Variants in ITGAL observed in about 807,000 individuals in gnomAD.
ITGAL encodes integrin alpha-L.
Under a neutral mutation model 138.4 loss-of-function variants are expected in ITGAL, and 68 were observed. That is an observed-to-expected ratio of 0.49 (90% CI 0.40 to 0.60). The LOEUF (loss-of-function observed/expected upper bound fraction) is 0.60. ITGAL is among the 20% of genes least tolerant of loss of function. The pLI, the probability that ITGAL is intolerant of heterozygous loss-of-function variation, is 0.00. For missense variants in ITGAL, 1,256 were observed against 1,478.6 expected (o/e 0.85, Z 2.47); for synonymous variants, 561 against 584.3 (o/e 0.96, Z 0.57).
chr16:30,487,068 T>G (rs1279318767), intron 9 of ITGAL, among the ~76,000 whole-genome samples: 2 of 142,370 alleles, frequency 1.4e-5, no homozygotes, highest in Admixed American at 7.7e-5. Context: ...GCGTGAATCC[T>G]GGAGGTGGAG....
rs567471117 is a variant in ITGAL, at chr16:30,474,022, G to C, written c.62-174G>C. 2.7e-4 allele frequency: 186 copies of C among 696,966 alleles called. 1 individual carries two copies. The highest frequency in any genetic ancestry group is 8.8e-4 in the South Asian group (59 of 66,750). 43.2% of individuals were successfully genotyped at this position (696,966 alleles called of 1,614,324 possible). Reference sequence around the variant, plus strand: ...CTGGGAAGAGCTTTCAGAGCTCTAGGGGGGCCGGGAGTTGCTCCTTCCATA... The same window carrying C: ...CTGGGAAGAGCTTTCAGAGCTCTAGCGGGGCCGGGAGTTGCTCCTTCCATA... On this transcript the variant is annotated intron_variant, in intron 1 of 30. Coordinates refer to ENST00000356798, the MANE Select transcript of ITGAL (RefSeq NM_002209.3).
At chr16:30,475,284 C>T in intron 2 of ITGAL, 22 bp from the exon 3 acceptor site, 1 of 1,588,400 alleles carries the variant, frequency 6.3e-7, no homozygotes, top group Non-Finnish European at 8.6e-7. Flanking sequence ...CACTCCCTCT[C>T]ACAGGTGAGA....
rs746180430 is a variant in ITGAL at position 30,499,128 on chromosome 16, C to A, written c.1887C>A (p.Ile629=). 93 of 1,613,920 alleles carry A rather than the reference C, an allele frequency of 5.8e-5. 1 individual carries two copies. The highest frequency in any genetic ancestry group is 3.5e-4 in the Admixed American group (21 of 59,958). Reference sequence around the variant, plus strand: ...TGATGTCCTTCTCTCCAGCTGAGATCCCAGTGCATGAAGTGGAGTGCTCCT... The same window carrying A: ...TGATGTCCTTCTCTCCAGCTGAGATACCAGTGCATGAAGTGGAGTGCTCCT... ...VTLMSFSPAE[I]PVHEVECSYS... is the part of the protein sequence containing the mutation. The change falls in exon 16 of 31, where the codon ATC becomes ATA. Residue 629 remains isoleucine (I), a synonymous_variant. Coordinates refer to ENST00000356798, the MANE Select transcript of ITGAL (RefSeq NM_002209.3).
intron 25 of ITGAL, 28 bp downstream of exon 25, chr16:30,513,874 A>G: frequency 1.3e-6 from 2 of 1,511,688 alleles, no homozygotes; most frequent in East Asian, 2.3e-5. Context: ...GAAGGTCCTT[A>G]TAGGTCACAC....
chr16:30,500,705 A>T (rs1160718109), intron 17 of ITGAL, among the ~76,000 whole-genome samples: 1 of 152,010 alleles, frequency 6.6e-6, no homozygotes, highest in Non-Finnish European at 1.5e-5. Flanking sequence ...ATGCACCACC[A>T]CATCTGGATA....
chr16:30,481,401 A>G, intron 6 of ITGAL, 38 bp from the exon 7 acceptor site: 1 of 1,491,988 alleles, frequency 6.7e-7, no homozygotes, highest in Non-Finnish European at 9.3e-7. Context: ...ATGGAAAGGG[A>G]TATATAACTG....
intron 29 of ITGAL, among the ~76,000 whole-genome samples, chr16:30,519,082 G>A (rs1425499358): frequency 2.0e-5 from 3 of 152,094 alleles, no homozygotes; most frequent in Admixed American, 2.0e-4. Flanking sequence ...AATTAGCCGG[G>A]CATGATGGTG....
In ITGAL at chr16:30,521,798, C is replaced by T. The variant is rs574484627; in HGVS notation, c.*133C>T. The T allele has an allele frequency of 8.8e-5, 74 of 838,332 alleles. No individual in the cohort carries two copies. The highest frequency in any genetic ancestry group is 6.3e-4 in the East Asian group (23 of 36,760). The allele number at this position is 838,332 out of a possible 1,614,324, so 51.9% of individuals were successfully genotyped here. A position where few individuals can be genotyped will look rare whatever the true frequency, so the allele number is the denominator to read the frequency against. On this transcript the variant is annotated 3_prime_UTR_variant, in exon 31 of 31. Transcript: ENST00000356798. ...TCCCTGGCCCTCAGTTTCCCTATCTCGAACATGGAACTCATTCCTGCCTGT... is the reference window on the plus strand; with the variant it reads ...TCCCTGGCCCTCAGTTTCCCTATCTTGAACATGGAACTCATTCCTGCCTGT...
Position 30,494,286 on chromosome 16 carries a change from A to G in ITGAL, c.1288A>G (p.Met430Val), listed in dbSNP as rs758748282. Residue 430 changes from methionine to valine, a missense_variant, in exon 12 of 31, where the codon ATG becomes GTG. By Grantham distance (21) the Met-to-Val change is conservative. Around this residue, in one of 3 missense-constraint regions of ITGAL, gnomAD observed 867 missense variants for 972.5 expected, o/e 0.89. Transcript: ENST00000356798. The surrounding 1 kb of genome is among the most constrained non-coding windows in gnomAD (Gnocchi z 4.2). ...CTCGGGAGCCCCTCGATACCAGCAC[A>G]TGGGCCGAGTGCTGCTGTTCCAAGA... is the stretch of plus-strand genomic sequence containing the variant. Reference protein sequence around the residue: ...LASGAPRYQHMGRVLLFQEPQ... With the variant: ...LASGAPRYQHVGRVLLFQEPQ... 3 of 1,613,648 alleles carry G rather than the reference A, an allele frequency of 1.9e-6. No individual in the cohort carries two copies. The highest frequency in any genetic ancestry group is 8.5e-7 in the Non-Finnish European group (1 of 1,179,718).
Position 30,494,478 on chromosome 16 carries a change from T to C in ITGAL, c.1365+115T>C, listed in dbSNP as rs1203750327. On this transcript the variant is annotated intron_variant, in intron 12 of 30. Coordinates refer to ENST00000356798, the MANE Select transcript of ITGAL (RefSeq NM_002209.3). This position sits in a 1 kb window ranked among gnomAD's most constrained non-coding sequence, Gnocchi z 4.2. ...CATGTGGCAGCCCCTGTGCTAAACA[T>C]GATCACATTTATCCCTCATAACACA... 7 of 1,209,472 alleles carry C rather than the reference T, an allele frequency of 5.8e-6. No individual in the cohort carries two copies. In the African/African-American group the frequency reaches 1.1e-4, roughly 18 times the overall value. 74.9% of individuals were successfully genotyped at this position (1,209,472 alleles called of 1,614,324 possible).
intron 25 of ITGAL, among the ~76,000 whole-genome samples, chr16:30,514,820 CTTTTCTTTTTTTT>C (rs2051142858): frequency 7.0e-6 from 1 of 143,590 alleles, no homozygotes; most frequent in Non-Finnish European, 1.5e-5. Context: ...TTTCTTTTTT[CTTTTCTTTTTTTT>C]TTTTTTTTTG....
At chr16:30,503,698 C>T (rs2050940868) in intron 17 of ITGAL, among the ~76,000 whole-genome samples, 1 of 152,024 alleles carries the variant, frequency 6.6e-6, no homozygotes, top group Non-Finnish European at 1.5e-5. Context: ...GGTAATAATA[C>T]CTACCTCTTA....
chr16:30,501,439 T>C (rs1467602724), intron 17 of ITGAL, among the ~76,000 whole-genome samples: 2 of 151,832 alleles, frequency 1.3e-5, no homozygotes, highest in Non-Finnish European at 2.9e-5. Context: ...TAGCTGGGCG[T>C]GGTGGCCCAT....
chr16:30,481,585 G>A lies in ITGAL; in HGVS notation c.722+1G>A. 4 of 1,613,362 alleles carry A rather than the reference G, an allele frequency of 2.5e-6. No homozygotes were observed. The highest frequency in any genetic ancestry group is 2.5e-6 in the Non-Finnish European group (3 of 1,179,746). On this transcript the variant is annotated splice_donor_variant, in intron 7 of 30. Coordinates refer to ENST00000356798, the MANE Select transcript of ITGAL (RefSeq NM_002209.3). LOFTEE classifies it high-confidence loss of function. ...CCTTTGGTGCCATCAATTATGTCGC[G>A]TGAGTTCCCTTTTGCAGGAGAGCAC...
intron 6 of ITGAL, among the ~76,000 whole-genome samples, chr16:30,480,200 G>C (rs950881174): frequency 6.6e-5 from 10 of 152,222 alleles, no homozygotes; most frequent in African/African-American, 2.2e-4. Context: ...CTCCCAAAGT[G>C]CTGGGATTAC....
chr16:30,499,204 C>T lies in ITGAL; in HGVS notation c.1963C>T (p.Gln655Ter). The T allele has an allele frequency of 6.2e-7, 1 of 1,614,178 alleles. No individual in the cohort carries two copies. Among genetic ancestry groups the T allele is most frequent in the Non-Finnish European group, 8.5e-7 (1 of 1,180,032 alleles). The change falls in exon 16 of 31, where the codon CAG becomes TAG. Residue 655 changes from glutamine (Q) to a stop codon, truncating the protein, a stop_gained. Coordinates refer to ENST00000356798, the MANE Select transcript of ITGAL (RefSeq NM_002209.3). LOFTEE classifies it high-confidence loss of function. ...AGGAGTTAATATCACAATCTGTTTC[C>T]AGATCAAGTCTCTCATCCCCCAGTT... Reference protein sequence around the residue: ...KEGVNITICFQIKSLIPQFQG... With the variant: ...KEGVNITICF
At chr16:30,476,867 G>A (rs1376732182) in intron 4 of ITGAL, among the ~76,000 whole-genome samples, 5 of 152,056 alleles carry the variant, frequency 3.3e-5, no homozygotes, top group African/African-American at 4.8e-5. Context: ...CTCCTGACCT[G>A]AGGTGATCTG....
At position 30,481,708 on chromosome 16, in the gene ITGAL, T is replaced by A; in HGVS notation, c.722+124T>A. The A allele has an allele frequency of 1.6e-5, 13 of 802,148 alleles. No homozygotes were observed. The South Asian group carries it at 1.9e-4, about 12-fold the overall frequency. The allele number at this position is 802,148 out of a possible 1,614,324, so 49.7% of individuals were successfully genotyped here. A position where few individuals can be genotyped will look rare whatever the true frequency, so the allele number is the denominator to read the frequency against. On this transcript the variant is annotated intron_variant, in intron 7 of 30. Coordinates refer to ENST00000356798, the MANE Select transcript of ITGAL (RefSeq NM_002209.3). The stretch of plus-strand genomic sequence containing the variant: ...AGCAAGGGGCAGTTTATTGTCTGAA[T>A]TGAAGTGGAACAATTTTACTGCAGA...
Position 30,521,542 on chromosome 16 carries a change from T to C in ITGAL, c.3390T>C (p.Gly1130=), listed in dbSNP as rs1597114416. 1 of 1,614,012 alleles carries C rather than the reference T, an allele frequency of 6.2e-7. No individual in the cohort carries two copies. The highest frequency in any genetic ancestry group is 1.3e-5 in the African/African-American group (1 of 74,910). ...NLKEKMEAGR[G]VPNGIPAEDS... ...AGGAGAAGATGGAGGCTGGCAGAGG[T>C]GTCCCGAATGGAATCCCTGCAGAAG... Residue 1130 remains glycine, a synonymous_variant, in exon 31 of 31, where the codon GGT becomes GGC. Coordinates refer to ENST00000356798, the MANE Select transcript of ITGAL (RefSeq NM_002209.3).
Sources: gnomAD v4.1 joint callset for allele counts (sites outside exome capture counted in the v4.1 genomes callset) on GRCh38, gnomAD v4.1.1 for gene constraint, gnomAD v4.1.1 regional missense constraint, Gnocchi (gnomAD v3.1) non-coding constraint, MANE v1.5 for transcripts, NCBI Gene and HGNC (gene_info 2026-07-23, HGNC 2026-07-21) for gene names.